HDAC4: variants seen among roughly 807,000 people sequenced by gnomAD.
HDAC4 encodes histone deacetylase A.
HDAC4 carries 16 observed loss-of-function variants against 135.1 expected under a neutral mutation model. The observed-to-expected ratio is 0.12, with a 90% CI of 0.08 to 0.18. HDAC4 has a LOEUF of 0.18. Among genes scored for constraint, HDAC4 ranks in the 10% least tolerant of loss-of-function variants. The pLI, the probability that HDAC4 is intolerant of heterozygous loss-of-function variation, is 1.00. For missense variants in HDAC4, 1,143 were observed against 1,511.8 expected, an observed-to-expected ratio of 0.76 and a Z score of 4.05; for synonymous variants, 685 against 653.4, an observed-to-expected ratio of 1.05 and a Z score of -0.74.
intron 1 of HDAC4, among the ~76,000 whole-genome samples, chr2:239,397,514 G>T (rs1696645643): frequency 6.6e-6 from 1 of 152,198 alleles, no homozygotes; most frequent in Non-Finnish European, 1.5e-5. Context: ...CTTCCAGGAA[G>T]TGAGTAGGAG....
chr2:239,205,353 G>T (rs777461858), intron 3 of HDAC4, among the ~76,000 whole-genome samples: 76 of 152,002 alleles, frequency 5.0e-4, no homozygotes, highest in Non-Finnish European at 8.5e-4. Context: ...AGAAGACCCC[G>T]CAATATGGGC....
rs1477445180 is a variant in HDAC4 at position 239,240,773 on chromosome 2, T to C, written c.23-4109A>G. Among the ~76,000 whole-genome samples the C allele has an allele frequency of 2.0e-5, 3 of 152,178 alleles. No homozygotes were observed. The highest frequency in any genetic ancestry group is 6.5e-5 in the Admixed American group (1 of 15,282). On this transcript the variant is annotated intron_variant, in intron 2 of 26. Transcript: ENST00000543185. The surrounding 1 kb of genome is among the most constrained non-coding windows in gnomAD (Gnocchi z 4.5). The stretch of plus-strand genomic sequence containing the variant: ...TGTGCTCAATGCACCCACAGTCAAC[T>C]GCAGTGACCACATCACTCTTGCCAG...
At chr2:239,124,508 T>C (rs1192851030) in intron 12 of HDAC4, among the ~76,000 whole-genome samples, 2 of 152,206 alleles carry the variant, frequency 1.3e-5, no homozygotes, top group Non-Finnish European at 2.9e-5. Context: ...GTGGCCACGT[T>C]ATATGACATT....
chr2:239,350,747 C>T (rs1693089477), intron 2 of HDAC4, among the ~76,000 whole-genome samples: 1 of 152,074 alleles, frequency 6.6e-6, no homozygotes, highest in South Asian at 2.1e-4. Flanking sequence ...TGTGATCTGC[C>T]CACCCTGACC....
chr2:239,114,888 G>A (rs1415375550), intron 13 of HDAC4, among the ~76,000 whole-genome samples, 165 bp downstream of exon 13: 1 of 152,184 alleles, frequency 6.6e-6, no homozygotes, highest in Non-Finnish European at 1.5e-5. Flanking sequence ...CAAAATGGAA[G>A]CCACATCAAC....
intron 2 of HDAC4, among the ~76,000 whole-genome samples, chr2:239,241,128 G>A (rs2048153821): frequency 6.6e-6 from 1 of 152,188 alleles, no homozygotes; most frequent in African/African-American, 2.4e-5. Context: ...TGGACCTTGA[G>A]CAAACAGGTA....
At chr2:239,067,972 C>T (rs2033738250) in intron 23 of HDAC4, among the ~76,000 whole-genome samples, 1 of 152,202 alleles carries the variant, frequency 6.6e-6, no homozygotes, top group Non-Finnish European at 1.5e-5. Flanking sequence ...TTGTGAGTTG[C>T]TGAGGCACAG....
intron 1 of HDAC4, among the ~76,000 whole-genome samples, chr2:239,387,920 G>A (rs972669083): frequency 6.6e-6 from 1 of 152,170 alleles, no homozygotes. Context: ...AGCCAGCTCA[G>A]ATCCACACCC....
chr2:239,293,776 A>G (rs2051679046), intron 2 of HDAC4, among the ~76,000 whole-genome samples: 1 of 152,230 alleles, frequency 6.6e-6, no homozygotes, highest in South Asian at 2.1e-4. Context: ...GCTAACCTGT[A>G]TCACCTGGAC....
intron 4 of HDAC4, among the ~76,000 whole-genome samples, chr2:239,189,422 T>C (rs1201773154): frequency 6.6e-6 from 1 of 152,154 alleles, no homozygotes; most frequent in Non-Finnish European, 1.5e-5. Flanking sequence ...AAAAGGTTAG[T>C]AGAGAAAATA....
At chr2:239,124,588 GCACGTCATTCCA>G (rs1205526412) in intron 12 of HDAC4, among the ~76,000 whole-genome samples, 76 of 122,224 alleles carry the variant, frequency 6.2e-4, no homozygotes, top group African/African-American at 3.2e-3. Flanking sequence ...GCATGTGGCC[GCACGTCATTCCA>G]CGTTATATGA....
At position 239,400,403 on chromosome 2, in the gene HDAC4, C is replaced by G. The variant is rs1378376527; in HGVS notation, c.-220+575G>C. 1 of 146,792 alleles carries G rather than the reference C, an allele frequency of 6.8e-6. No individual in the cohort carries two copies. The highest frequency in any genetic ancestry group is 1.5e-5 in the Non-Finnish European group (1 of 65,892). 9.1% of individuals were successfully genotyped at this position (146,792 alleles called of 1,614,324 possible). A position where few individuals can be genotyped will look rare whatever the true frequency, so the allele number is the denominator to read the frequency against. ...TGCTCGGGGGGCGCGGGCCCCGCAC[C>G]GGGAGACGGCGCCGCTGCCTGCCGT... On this transcript the variant is annotated intron_variant, in intron 1 of 26. Transcript: ENST00000543185. The surrounding 1 kb of genome is among the most constrained non-coding windows in gnomAD (Gnocchi z 4.7).
intron 11 of HDAC4, among the ~76,000 whole-genome samples, chr2:239,133,283 G>A (rs1002036141): frequency 6.6e-5 from 10 of 152,182 alleles, no homozygotes; most frequent in African/African-American, 9.7e-5. Context: ...GCATCCTGCA[G>A]CGCAGCCTCC....
At chr2:239,257,098 T>C (rs1305806157) in intron 2 of HDAC4, among the ~76,000 whole-genome samples, 1 of 152,186 alleles carries the variant, frequency 6.6e-6, no homozygotes, top group African/African-American at 2.4e-5. Flanking sequence ...CTTTAATAAT[T>C]ATCTTAGTTA....
chr2:239,389,779 T>C (rs1696073165), intron 1 of HDAC4, among the ~76,000 whole-genome samples: 2 of 152,170 alleles, frequency 1.3e-5, no homozygotes, highest in South Asian at 4.1e-4. Flanking sequence ...CCTTCCTTCC[T>C]GACATCAGTG....
chr2:239,103,724 G>A (rs186016541), intron 15 of HDAC4, among the ~76,000 whole-genome samples: 1 of 152,328 alleles, frequency 6.6e-6, no homozygotes, highest in African/African-American at 2.4e-5. Context: ...TGCAGGCCTC[G>A]GTGTCCACCC....
In HDAC4 at chr2:239,352,765, C is replaced by CGTTGGAG; in HGVS notation, c.-67_-66insCTCCAAC. ...CAAAATTTCCACGGAAACGATAGCT[C>CGTTGGAG]CAACGAGCTCCAAACTCCCACCAAC... On this transcript the variant is annotated 5_prime_UTR_variant, in exon 2 of 27. An upstream open reading frame in the 5' UTR gains an earlier in-frame stop. Transcript: ENST00000543185. This position sits in a 1 kb window ranked among gnomAD's most constrained non-coding sequence, Gnocchi z 4.4. 1.4e-6 allele frequency: 2 copies of CGTTGGAG among 1,440,488 alleles called. No homozygotes were observed. Among genetic ancestry groups the CGTTGGAG allele is most frequent in the Non-Finnish European group, 1.9e-6 (2 of 1,045,770 alleles). The allele number at this position is 1,440,488 out of a possible 1,614,324, so 89.2% of individuals were successfully genotyped here.
chr2:239,311,157 G>A (rs143955782), intron 2 of HDAC4, among the ~76,000 whole-genome samples: 5 of 152,234 alleles, frequency 3.3e-5, no homozygotes, highest in African/African-American at 7.2e-5. Context: ...TTACAACCCC[G>A]CAGAGTGAGG....
chr2:239,360,342 C>G (rs962350087), intron 1 of HDAC4, among the ~76,000 whole-genome samples: 1 of 152,212 alleles, frequency 6.6e-6, no homozygotes, highest in Admixed American at 6.5e-5. Context: ...CCCCAGCCCC[C>G]GTGTCACAGC....
Sources: gnomAD v4.1 joint callset for allele counts (sites outside exome capture counted in the v4.1 genomes callset) on GRCh38, gnomAD v4.1.1 for gene constraint, Gnocchi (gnomAD v3.1) non-coding constraint, MANE v1.5 for transcripts, NCBI Gene and HGNC (gene_info 2026-07-23, HGNC 2026-07-21) for gene names.